Variants in FRMPD3 observed in about 807,000 individuals in gnomAD.
The protein encoded by FRMPD3 is FERM and PDZ domain-containing protein 3.
FRMPD3 carries 42 observed loss-of-function variants against 97.9 expected under a neutral mutation model. The ratio of observed to expected loss-of-function variants is 0.43; its 90% CI spans 0.34 to 0.55. The LOEUF is 0.55. FRMPD3 is among the 20% of genes least tolerant of loss of function. FRMPD3 has a pLI of 0.03. For missense variants in FRMPD3, 1,303 were observed against 1,457.7 expected, an observed-to-expected ratio of 0.89 and a Z score of 1.73; for synonymous variants, 577 against 581.1, an observed-to-expected ratio of 0.99 and a Z score of 0.10.
chrX:107,511,387 T>C (rs1466785299), intron 1 of FRMPD3, among the ~76,000 whole-genome samples: 1 of 112,437 alleles, frequency 8.9e-6, no homozygotes, highest in Non-Finnish European at 1.9e-5. Context: ...AGTCATCTTC[T>C]AGAAAGCTTC....
chrX:107,500,068 C>T (rs1479773208), intron 1 of FRMPD3, among the ~76,000 whole-genome samples: 3 of 111,663 alleles, frequency 2.7e-5, no homozygotes, highest in African/African-American at 6.5e-5. Flanking sequence ...AAATGTATGC[C>T]GTAGAAATGT....
At chrX:107,583,708 G>T (rs1357209180) in intron 13 of FRMPD3, among the ~76,000 whole-genome samples, 3 of 111,521 alleles carry the variant, frequency 2.7e-5, no homozygotes, top group Non-Finnish European at 5.6e-5. Flanking sequence ...CCCACCAACA[G>T]TGTAAAAGCA....
At chrX:107,469,003 T>C (rs770325295) in intron 1 of FRMPD3, among the ~76,000 whole-genome samples, 21 of 112,187 alleles carry the variant, frequency 1.9e-4, no homozygotes, top group Non-Finnish European at 3.8e-4. Context: ...GAAGATGATA[T>C]ATGGGGAAAC....
Position 107,457,856 on chromosome X carries a change from T to C in FRMPD3, c.-8+7851T>C, listed in dbSNP as rs561281103. On this transcript the variant is annotated intron_variant, in intron 1 of 14. Transcript: ENST00000683843. ...CTTCCTTCCCCTAGCTCATCTTTCT[T>C]CTTGCTTTTTCTTCTGCTCCCCCCT... Among the ~76,000 whole-genome samples, 13 of 111,951 alleles carry C rather than the reference T, an allele frequency of 1.2e-4. No homozygotes were observed. In the South Asian group the frequency reaches 4.9e-3, roughly 42 times the overall value.
In FRMPD3 at chrX:107,600,485, T is replaced by C. The variant is rs1325299874; in HGVS notation, c.2446T>C (p.Phe816Leu). 1 of 1,210,830 alleles carries C rather than the reference T, an allele frequency of 8.3e-7. No homozygotes were observed. Among genetic ancestry groups the C allele is most frequent in the Non-Finnish European group, 1.1e-6 (1 of 895,379 alleles). Residue 816 changes from phenylalanine (F) to leucine (L), a missense_variant, in exon 15 of 15, where the codon TTC (phenylalanine) becomes CTC (leucine). Physicochemically the swap from Phe to Leu is conservative, Grantham distance 22. Transcript: ENST00000683843. ...DSLLARKDLP[F>L]RIQSCAAQAV... ...CCTCCTTGCCCGCAAGGACCTGCCC[T>C]TCCGGATCCAGAGCTGTGCAGCCCA... is the stretch of plus-strand genomic sequence containing the variant.
At chrX:107,463,040 A>AC (rs200412709) in intron 1 of FRMPD3, among the ~76,000 whole-genome samples, 1,687 of 111,818 alleles carry the variant, frequency 0.015, 39 homozygotes, top group African/African-American at 0.052. Context: ...GAGGTTTGTG[A>AC]CCCCCAGCAA....
chrX:107,554,388 G>A lies in FRMPD3; in HGVS notation c.646G>A (p.Val216Ile), dbSNP rs1464550102. The change falls in exon 8 of 15, where the codon GTA becomes ATA. Residue 216 changes from valine to isoleucine, a missense_variant. By Grantham distance (29) the Val-to-Ile change is conservative (BLOSUM62 3). Coordinates refer to ENST00000683843, the MANE Select transcript of FRMPD3 (RefSeq NM_001388459.1). ...LQDKQPLAYV[V>I]QRTHYHGMKC... ...CCCTTTCATCCCTGGAATTCAGGTGGTACAGCGGACACACTATCATGGAAT... is the reference window on the plus strand; with the variant it reads ...CCCTTTCATCCCTGGAATTCAGGTGATACAGCGGACACACTATCATGGAAT... 11 of 1,206,252 alleles carry A rather than the reference G, an allele frequency of 9.1e-6. No homozygotes were observed. Among genetic ancestry groups the A allele is most frequent in the Non-Finnish European group, 1.2e-5 (11 of 893,739 alleles).
Position 107,602,073 on chromosome X carries a change from G to A in FRMPD3, c.4034G>A (p.Ser1345Asn), listed in dbSNP as rs965591886. The A allele has an allele frequency of 1.2e-5, 14 of 1,200,865 alleles. No individual in the cohort carries two copies. Among genetic ancestry groups the A allele is most frequent in the Admixed American group, 2.2e-5 (1 of 45,211 alleles). The change falls in exon 15 of 15, where the codon AGC (serine) becomes AAC (asparagine). Residue 1345 changes from serine (S) to asparagine (N), a missense_variant. Coordinates refer to ENST00000683843, the MANE Select transcript of FRMPD3 (RefSeq NM_001388459.1). Reference sequence around the variant, plus strand: ...GCTGGCCCAGGCGTGAGCCTCAGCAGCCCCATCAATGTCCAGCGCATTCGT... The same window carrying A: ...GCTGGCCCAGGCGTGAGCCTCAGCAACCCCATCAATGTCCAGCGCATTCGT... ...PEAGPGVSLS[S>N]PINVQRIRST...
chrX:107,496,376 G>A (rs190249088), intron 1 of FRMPD3, among the ~76,000 whole-genome samples: 10 of 111,437 alleles, frequency 9.0e-5, no homozygotes, highest in African/African-American at 3.3e-4. Context: ...AGAATGGGAA[G>A]GTAGACAAGA....
chrX:107,545,826 T>C lies in FRMPD3; in HGVS notation c.387T>C (p.Val129=). Residue 129 remains valine, a synonymous_variant, in exon 5 of 15, where the codon GTT becomes GTC. Transcript: ENST00000683843. ...VKVRFSEQVA[V]GETDAKMMKK... Reference sequence around the variant, plus strand: ...TTCGATTTTCTGAGCAGGTGGCAGTTGGAGAAACAGATGCAGTAAGTGTAG... The same window carrying C: ...TTCGATTTTCTGAGCAGGTGGCAGTCGGAGAAACAGATGCAGTAAGTGTAG... The C allele has an allele frequency of 8.3e-7, 1 of 1,205,590 alleles. No homozygotes were observed. The highest frequency in any genetic ancestry group is 3.0e-5 in the East Asian group (1 of 33,805).
chrX:107,604,305 G>C lies in FRMPD3; in HGVS notation c.*932G>C, dbSNP rs1481457679. On this transcript the variant is annotated 3_prime_UTR_variant, in exon 15 of 15. Transcript: ENST00000683843. ...GGGGGGTGGGGGGAGGGGGGAAAGG[G>C]GTAGGGGTGGGGGGTGTTGATGACT... 2.5e-5 allele frequency: 2 copies of C among 78,507 alleles called. No individual in the cohort carries two copies. Among genetic ancestry groups the C allele is most frequent in the Admixed American group, 2.9e-4 (2 of 6,928 alleles). 6.5% of individuals were successfully genotyped at this position (78,507 alleles called of 1,213,427 possible).
Position 107,554,521 on chromosome X carries a change from G to T in FRMPD3, c.762+17G>T. The T allele has an allele frequency of 8.3e-7, 1 of 1,200,453 alleles. No individual in the cohort carries two copies. The highest frequency in any genetic ancestry group is 3.0e-5 in the East Asian group (1 of 33,426). Reference sequence around the variant, plus strand: ...TACATCCAGGTAGAGTCTGGCTTGGGGATACACAGACAGACCAGTGGACAA... The same window carrying T: ...TACATCCAGGTAGAGTCTGGCTTGGTGATACACAGACAGACCAGTGGACAA... On this transcript the variant is annotated intron_variant, in intron 8 of 14. Transcript: ENST00000683843.
chrX:107,529,139 C>T (rs1047042908), intron 2 of FRMPD3, among the ~76,000 whole-genome samples: 2 of 112,066 alleles, frequency 1.8e-5, no homozygotes, highest in Admixed American at 9.5e-5. Flanking sequence ...ACTTCTCATT[C>T]TCTCCAAGTC....
intron 1 of FRMPD3, among the ~76,000 whole-genome samples, chrX:107,478,810 G>A (rs1458257954): frequency 1.8e-5 from 2 of 112,307 alleles, no homozygotes; most frequent in African/African-American, 6.5e-5. Flanking sequence ...TCTGGAGGCA[G>A]AGACAAATAC....
chrX:107,573,563 A>G (rs1922993758), intron 12 of FRMPD3, among the ~76,000 whole-genome samples: 1 of 111,787 alleles, frequency 8.9e-6, no homozygotes, highest in Admixed American at 9.5e-5. Flanking sequence ...CTTCCTAATA[A>G]TGACTAAAAA....
chrX:107,459,884 TACACACACACAC>T lies in FRMPD3; in HGVS notation c.-8+9916_-8+9927del, dbSNP rs67324661. ...GTGCGTGCGTGCACGCAAGCATACA[TACACACACACAC>T]ACACACACACACACACACACACACA... On this transcript the variant is annotated intron_variant, in intron 1 of 14. Transcript: ENST00000683843. Among the ~76,000 whole-genome samples, 431 of 89,855 alleles carry T rather than the reference TACACACACACAC, an allele frequency of 4.8e-3. 2 individuals carry two copies. The highest frequency in any genetic ancestry group is 0.014 in the African/African-American group (355 of 24,974). The allele number at this position is 89,855 out of a possible 115,157, so 78.0% of individuals were successfully genotyped here.
rs750187969 is a variant in FRMPD3 at position 107,602,882 on chromosome X, C to G, written c.4843C>G (p.Arg1615Gly). ...LRQCVASPEA[R>G]APKPYVSQIS... ...GCAGTGTGTGGCCAGCCCCGAGGCCCGTGCCCCCAAGCCCTATGTGTCTCA... is the reference window on the plus strand; with the variant it reads ...GCAGTGTGTGGCCAGCCCCGAGGCCGGTGCCCCCAAGCCCTATGTGTCTCA... Residue 1615 changes from arginine (R) to glycine (G), a missense_variant, in exon 15 of 15, where the codon CGT becomes GGT. By Grantham distance (125) the Arg-to-Gly change is moderately radical (BLOSUM62 -2). Around this residue, in one of 3 missense-constraint regions of FRMPD3, gnomAD observed 764 missense variants for 820.2 expected, o/e 0.93. Coordinates refer to ENST00000683843, the MANE Select transcript of FRMPD3 (RefSeq NM_001388459.1). The G allele has an allele frequency of 5.0e-6, 6 of 1,211,077 alleles. No individual in the cohort carries two copies. Among genetic ancestry groups the G allele is most frequent in the Non-Finnish European group, 6.7e-6 (6 of 895,354 alleles).
At chrX:107,538,720 G>A (rs766499862) in intron 4 of FRMPD3, among the ~76,000 whole-genome samples, 10 of 111,108 alleles carry the variant, frequency 9.0e-5, no homozygotes, top group Non-Finnish European at 1.5e-4. Flanking sequence ...GAGTGCAGTG[G>A]TGCCATCTCA....
At chrX:107,581,189 A>T (rs1923366823) in intron 13 of FRMPD3, among the ~76,000 whole-genome samples, 2 of 109,711 alleles carry the variant, frequency 1.8e-5, no homozygotes, top group Non-Finnish European at 3.8e-5. Context: ...GCTCATTGCA[A>T]CCTCTGCCTC....
Sources: allele counts gnomAD v4.1 joint callset (sites outside exome capture counted in the v4.1 genomes callset), GRCh38; gene constraint gnomAD v4.1.1; regional missense constraint gnomAD v4.1.1; transcripts MANE v1.5; gene names NCBI Gene and HGNC (gene_info 2026-07-23, HGNC 2026-07-21).